Variants in MPPE1 observed in about 807,000 individuals in gnomAD.
MPPE1 encodes the protein metallophosphoesterase 1.
A neutral mutation model predicts 43.8 loss-of-function variants in MPPE1; 28 were observed. The observed-to-expected ratio is 0.64, with a 90% CI of 0.47 to 0.88. The LOEUF (loss-of-function observed/expected upper bound fraction) is 0.88, where lower values mean the gene tolerates loss of function less well. Among genes scored for constraint, MPPE1 ranks in the 40% least tolerant of loss-of-function variants. The pLI is 0.00. For synonymous variants in MPPE1, 159 were observed against 188.5 expected (o/e 0.84, Z 1.28); for missense variants, 428 against 492.2 (o/e 0.87, Z 1.23).
intron 4 of MPPE1, among the ~76,000 whole-genome samples, chr18:11,889,847 C>G (rs2037767345): frequency 6.6e-6 from 1 of 151,652 alleles, no homozygotes; most frequent in African/African-American, 2.4e-5. Flanking sequence ...GCTGGGATTA[C>G]AGGTATGAGC....
Position 11,889,439 on chromosome 18 carries a change from G to A in MPPE1, c.442C>T (p.His148Tyr). ...RFQKMFRHPS[H>Y]VQLKVVAGNH... Reference sequence around the variant, plus strand: ...CCAGCAACTACCTTCAGCTGTACATGACTTGGGTGTCTGAACATTTTCTGA... The same window carrying A: ...CCAGCAACTACCTTCAGCTGTACATAACTTGGGTGTCTGAACATTTTCTGA... Residue 148 changes from histidine to tyrosine, a missense_variant, in exon 5 of 11, where the codon CAT becomes TAT. His to Tyr is a moderately conservative substitution (Grantham distance 83). This residue lies in a region of MPPE1 where 379 missense variants were observed against 402.5 expected (regional missense o/e 0.94). Transcript: ENST00000588072. 1 of 1,613,462 alleles carries A rather than the reference G, an allele frequency of 6.2e-7. No homozygotes were observed. Among genetic ancestry groups the A allele is most frequent in the Non-Finnish European group, 8.5e-7 (1 of 1,179,704 alleles).
At chr18:11,898,155 G>A (rs9958072) in intron 2 of MPPE1, among the ~76,000 whole-genome samples, 40,384 of 152,088 alleles carry the variant, frequency 0.27, 7,988 homozygotes, top group African/African-American at 0.55. Context: ...TGCAACCTCC[G>A]CCTCCTGGGT....
rs530683261 is a variant in MPPE1 at position 11,907,498 on chromosome 18, GAATT to G, written c.-200+699_-200+702del. On this transcript the variant is annotated intron_variant, in intron 1 of 10. Coordinates refer to ENST00000588072, the MANE Select transcript of MPPE1 (RefSeq NM_023075.6). The stretch of plus-strand genomic sequence containing the variant: ...GCCATGGTCACTCATATTTGGCTCA[GAATT>G]AATCCCTTCAAATATTTTATAGAGT... Among the ~76,000 whole-genome samples the G allele has an allele frequency of 1.9e-3, 286 of 148,398 alleles. 1 individual carries two copies. The highest frequency in any genetic ancestry group is 6.6e-3 in the African/African-American group (261 of 39,326).
intron 2 of MPPE1, among the ~76,000 whole-genome samples, chr18:11,899,462 A>T (rs2038919706): frequency 6.6e-6 from 1 of 152,218 alleles, no homozygotes; most frequent in African/African-American, 2.4e-5. Flanking sequence ...GAACCTTCAA[A>T]ATTTTTATGG....
At chr18:11,899,109 G>A (rs2038886472) in intron 2 of MPPE1, among the ~76,000 whole-genome samples, 1 of 151,850 alleles carries the variant, frequency 6.6e-6, no homozygotes, top group South Asian at 2.1e-4. Flanking sequence ...GAGATGGGGT[G>A]TTGCCATGCT....
rs555647566 is a variant in MPPE1, at chr18:11,884,404, TC to T, written c.*40del. On this transcript the variant is annotated 3_prime_UTR_variant, in exon 11 of 11. Transcript: ENST00000588072. Reference sequence around the variant, plus strand: ...TTCTAACATGATCTCTGCCCAAAGTTCCATTTCTTGGGCTTTGATATTTATA... The same window carrying T: ...TTCTAACATGATCTCTGCCCAAAGTTCATTTCTTGGGCTTTGATATTTATA... 1,224 of 1,593,214 alleles carry T rather than the reference TC, an allele frequency of 7.7e-4. 7 individuals are homozygous for T. The African/African-American group carries it at 0.014, about 19-fold the overall frequency.
At position 11,896,964 on chromosome 18, in the gene MPPE1, T is replaced by G. The variant is rs1243600072; in HGVS notation, c.281+20A>C. The G allele has an allele frequency of 6.2e-7, 1 of 1,600,204 alleles. No individual in the cohort carries two copies. The highest frequency in any genetic ancestry group is 2.2e-5 in the East Asian group (1 of 44,628). On this transcript the variant is annotated intron_variant, in intron 3 of 10. Transcript: ENST00000588072. Reference sequence around the variant, plus strand: ...TTTTGCCTACAGAATTTTAGAAAGATTCCTGATTTTACCTCTTACCTTCGT... The same window carrying G: ...TTTTGCCTACAGAATTTTAGAAAGAGTCCTGATTTTACCTCTTACCTTCGT...
chr18:11,890,530 G>A (rs754198407), intron 4 of MPPE1, among the ~76,000 whole-genome samples: 29 of 151,958 alleles, frequency 1.9e-4, no homozygotes, highest in South Asian at 8.3e-4. Context: ...GGCTGGTCTC[G>A]AACTCCTCAC....
chr18:11,902,582 G>A (rs1410602275), intron 2 of MPPE1: 2 of 152,182 alleles, frequency 1.3e-5, no homozygotes, highest in Non-Finnish European at 2.9e-5. Context: ...AAGGAATGCT[G>A]ACCTTCTGGG....
intron 2 of MPPE1, among the ~76,000 whole-genome samples, chr18:11,897,907 G>C (rs8084979): frequency 0.27 from 41,030 of 152,110 alleles, 8,086 homozygotes; most frequent in African/African-American, 0.55. Flanking sequence ...GCCAGGATCT[G>C]ACAGTGAAAC....
At chr18:11,906,718 G>C (rs1439215167) in intron 1 of MPPE1, among the ~76,000 whole-genome samples, 1 of 151,948 alleles carries the variant, frequency 6.6e-6, no homozygotes, top group Non-Finnish European at 1.5e-5. Flanking sequence ...AGCCAGGGTA[G>C]TGGCACATGC....
Position 11,886,953 on chromosome 18 carries a change from G to A in MPPE1, c.642C>T (p.Leu214=), listed in dbSNP as rs138114162. The A allele has an allele frequency of 6.8e-5, 109 of 1,613,590 alleles. No individual in the cohort carries two copies. Among genetic ancestry groups the A allele is most frequent in the Non-Finnish European group, 8.6e-5 (102 of 1,179,828 alleles). ...AGTTCAGTCTGTGAGAAACTTCAAT[G>A]AGCTCTGCTTCTGTTTCAGAGCAGA... ...CGICSETEAE[L]IEVSHRLNCS... The change falls in exon 7 of 11, where the codon CTC becomes CTT. Residue 214 remains leucine (L), a synonymous_variant. Transcript: ENST00000588072. The surrounding 1 kb of genome is among the most constrained non-coding windows in gnomAD (Gnocchi z 4.1).
chr18:11,906,651 T>C (rs1245661752), intron 1 of MPPE1, among the ~76,000 whole-genome samples: 1 of 150,638 alleles, frequency 6.6e-6, no homozygotes, highest in Non-Finnish European at 1.5e-5. Context: ...AGGTCGGGAG[T>C]TCAAGACCAG....
At chr18:11,893,868 C>T (rs2038278604) in intron 3 of MPPE1, among the ~76,000 whole-genome samples, 1 of 152,176 alleles carries the variant, frequency 6.6e-6, no homozygotes, top group East Asian at 1.9e-4. Flanking sequence ...GTCAAGACAG[C>T]AACTGGGATC....
At chr18:11,892,619 G>T (rs1355238942) in intron 4 of MPPE1, among the ~76,000 whole-genome samples, 1 of 151,128 alleles carries the variant, frequency 6.6e-6, no homozygotes, top group Admixed American at 6.6e-5. Flanking sequence ...GTTGCAGTGA[G>T]CTGAGATTGC....
Position 11,897,011 on chromosome 18 carries a change from A to T in MPPE1, c.254T>A (p.Leu85Gln). The T allele has an allele frequency of 6.3e-7, 1 of 1,592,398 alleles. No individual in the cohort carries two copies. The highest frequency in any genetic ancestry group is 8.5e-7 in the Non-Finnish European group (1 of 1,171,346). The change falls in exon 3 of 11, where the codon CTA (leucine) becomes CAA (glutamine). Residue 85 changes from leucine (L) to glutamine (Q), a missense_variant. Leu to Gln is a moderately radical substitution (Grantham distance 113). Coordinates refer to ENST00000588072, the MANE Select transcript of MPPE1 (RefSeq NM_023075.6). ...TCGTAATTTGTCCAGCCAGTGGCCTAGGAATTCCCCAAGCAAATGGGTGTC... is the reference window on the plus strand; with the variant it reads ...TCGTAATTTGTCCAGCCAGTGGCCTTGGAATTCCCCAAGCAAATGGGTGTC... ...LADTHLLGEFLGHWLDKLRRE... is the reference protein window; with the variant it reads ...LADTHLLGEFQGHWLDKLRRE...
intron 3 of MPPE1, among the ~76,000 whole-genome samples, chr18:11,896,338 G>A (rs899625650): frequency 5.3e-5 from 8 of 151,766 alleles, no homozygotes; most frequent in Admixed American, 1.3e-4. Context: ...CTGACCTCAG[G>A]TGATCCACCT....
At position 11,892,233 on chromosome 18, in the gene MPPE1, G is replaced by A. The variant is rs1323353399; in HGVS notation, c.390+1235C>T. 4.6e-5 allele frequency among the ~76,000 whole-genome samples: 7 copies of A among 151,590 alleles called. No homozygotes were observed. In the South Asian group the frequency reaches 6.2e-4, roughly 13 times the overall value. ...TGTGTGCCTGTAATCTCAGCTACTC[G>A]AGAGGTTGAGGAGGGAGAATCGCTT... On this transcript the variant is annotated intron_variant, in intron 4 of 10. Transcript: ENST00000588072.
chr18:11,895,168 G>A (rs1429657701), intron 3 of MPPE1: 1 of 152,212 alleles, frequency 6.6e-6, no homozygotes, highest in Non-Finnish European at 1.5e-5. Context: ...AAGTAGGCTG[G>A]GTGCAGTGAC....
Sources: gnomAD v4.1 joint callset for allele counts (sites outside exome capture counted in the v4.1 genomes callset) on GRCh38, gnomAD v4.1.1 for gene constraint, gnomAD v4.1.1 regional missense constraint, Gnocchi (gnomAD v3.1) non-coding constraint, MANE v1.5 for transcripts, NCBI Gene and HGNC (gene_info 2026-07-23, HGNC 2026-07-21) for gene names.